Variants in ADGRV1 observed in about 807,000 individuals in gnomAD.
ADGRV1 encodes G-protein coupled receptor 98.
In ADGRV1, 359 loss-of-function variants were observed where a neutral mutation model predicts 596.2. The ratio of observed to expected loss-of-function variants is 0.60; its 90% CI spans 0.55 to 0.66. ADGRV1 has a LOEUF of 0.66. ADGRV1 is among the 30% of genes least tolerant of loss of function. ADGRV1 has a pLI of 0.00. For missense variants in ADGRV1, 7,274 were observed against 7,575.6 expected, an observed-to-expected ratio of 0.96 and a Z score of 1.48; for synonymous variants, 2,681 against 2,679.2, an observed-to-expected ratio of 1.00 and a Z score of -0.02.
At chr5:90,949,135 A>G (rs1416045321) in intron 83 of ADGRV1, among the ~76,000 whole-genome samples, 3 of 152,176 alleles carry the variant, frequency 2.0e-5, no homozygotes, top group African/African-American at 4.8e-5. Context: ...GAAATAGCAC[A>G]TACTACATGG....
intron 83 of ADGRV1, among the ~76,000 whole-genome samples, chr5:90,901,796 T>C (rs1406777132): frequency 2.6e-5 from 4 of 152,278 alleles, no homozygotes; most frequent in South Asian, 4.1e-4. Flanking sequence ...TTTAAAAATA[T>C]GTACTATTCT....
chr5:90,685,843 A>G lies in ADGRV1; in HGVS notation c.6338A>G (p.Asn2113Ser), dbSNP rs201579557. ...ETIAQLIIIA[N>S]DDAFGTLQLS... The stretch of plus-strand genomic sequence containing the variant: ...ATTGCGCAACTAATTATCATTGCCA[A>G]TGATGATGCATTTGGAACTCTTCAG... The change falls in exon 29 of 90, where the codon AAT becomes AGT. Residue 2113 changes from asparagine to serine, a missense_variant. Asn to Ser is a conservative substitution (Grantham distance 46). Around this residue, in one of 5 missense-constraint regions of ADGRV1, gnomAD observed 3,643 missense variants for 3,809.2 expected, o/e 0.96. Coordinates refer to ENST00000405460, the MANE Select transcript of ADGRV1 (RefSeq NM_032119.4). 112 of 1,612,488 alleles carry G rather than the reference A, an allele frequency of 6.9e-5. No individual in the cohort carries two copies. The highest frequency in any genetic ancestry group is 8.7e-5 in the Non-Finnish European group (103 of 1,178,952).
At chr5:90,643,210 A>C (rs1767224562) in intron 13 of ADGRV1, among the ~76,000 whole-genome samples, 169 bp downstream of exon 13, 1 of 152,178 alleles carries the variant, frequency 6.6e-6, no homozygotes. Flanking sequence ...TTAAAAATGA[A>C]GACTCATTCA....
chr5:91,024,601 C>T (rs566063464), intron 85 of ADGRV1, among the ~76,000 whole-genome samples: 17 of 152,094 alleles, frequency 1.1e-4, no homozygotes, highest in Middle Eastern at 3.4e-3. Context: ...TGCCCCTGAT[C>T]GTAGGCATAC....
At chr5:91,157,444 G>T (rs1796566126) in intron 89 of ADGRV1, among the ~76,000 whole-genome samples, 1 of 152,002 alleles carries the variant, frequency 6.6e-6, no homozygotes, top group South Asian at 2.1e-4. Flanking sequence ...TTTTAAATAT[G>T]TGAACAGGCT....
At chr5:91,132,876 G>A (rs1035169098) in intron 87 of ADGRV1, among the ~76,000 whole-genome samples, 3 of 152,214 alleles carry the variant, frequency 2.0e-5, no homozygotes, top group Non-Finnish European at 4.4e-5. Context: ...CAGTGAAGGA[G>A]GGGTAATGAT....
chr5:90,711,002 A>G lies in ADGRV1; in HGVS notation c.8846A>G (p.Gln2949Arg). The part of the protein sequence containing the change: ...PRLDSEGLTA[Q>R]VIIDANDGAR... Reference sequence around the variant, plus strand: ...TAAGATTCAGAAGGTTTGACTGCACAAGTTATTATTGATGCCAATGATGGG... The same window carrying G: ...TAAGATTCAGAAGGTTTGACTGCACGAGTTATTATTGATGCCAATGATGGG... The change falls in exon 40 of 90, where the codon CAA becomes CGA. Residue 2949 changes from glutamine (Q) to arginine (R), a missense_variant. By Grantham distance (43) the Gln-to-Arg change is conservative. Coordinates refer to ENST00000405460, the MANE Select transcript of ADGRV1 (RefSeq NM_032119.4). 6.2e-7 allele frequency: 1 copy of G among 1,609,512 alleles called. No individual in the cohort carries two copies. Among genetic ancestry groups the G allele is most frequent in the Non-Finnish European group, 8.5e-7 (1 of 1,176,930 alleles).
intron 83 of ADGRV1, among the ~76,000 whole-genome samples, chr5:90,883,346 T>G (rs1769975055): frequency 6.6e-6 from 1 of 152,182 alleles, no homozygotes; most frequent in Non-Finnish European, 1.5e-5. Flanking sequence ...GCAGCAAATA[T>G]GTATTGATCC....
At chr5:91,037,302 G>T (rs894329862) in intron 85 of ADGRV1, among the ~76,000 whole-genome samples, 1 of 152,134 alleles carries the variant, frequency 6.6e-6, no homozygotes, top group Non-Finnish European at 1.5e-5. Context: ...GCTGTCTGCT[G>T]TAGAGGAAAG....
At chr5:90,957,955 A>G (rs1378422690) in intron 83 of ADGRV1, among the ~76,000 whole-genome samples, 1 of 151,974 alleles carries the variant, frequency 6.6e-6, no homozygotes, top group Admixed American at 6.6e-5. Flanking sequence ...TAGCTATCCC[A>G]ATAATGCAAG....
At chr5:90,885,481 A>AG (rs1371802065) in intron 83 of ADGRV1, among the ~76,000 whole-genome samples, 2 of 152,188 alleles carry the variant, frequency 1.3e-5, no homozygotes, top group Non-Finnish European at 2.9e-5. Context: ...TTCAAATTAA[A>AG]GTTTGTCTCT....
At chr5:91,078,438 G>A (rs960975913) in intron 86 of ADGRV1, among the ~76,000 whole-genome samples, 7 of 152,134 alleles carry the variant, frequency 4.6e-5, no homozygotes, top group Admixed American at 3.9e-4. Context: ...TTTTATGTAG[G>A]TGCTACTCCT....
intron 87 of ADGRV1, among the ~76,000 whole-genome samples, chr5:91,143,335 C>CTGAA (rs755494983): frequency 2.0e-5 from 3 of 152,208 alleles, no homozygotes; most frequent in Non-Finnish European, 4.4e-5. Context: ...TGTTACAGCT[C>CTGAA]TTTCAGCCCT....
chr5:90,596,297 C>G (rs1760573493), intron 1 of ADGRV1, among the ~76,000 whole-genome samples: 1 of 151,088 alleles, frequency 6.6e-6, no homozygotes, highest in Non-Finnish European at 1.5e-5. Flanking sequence ...ACGCTCCTCA[C>G]TTTCCAGACT....
chr5:91,035,861 T>TTATATATATATA (rs1554202360), intron 85 of ADGRV1, among the ~76,000 whole-genome samples: 4 of 96,398 alleles, frequency 4.1e-5, no homozygotes, highest in African/African-American at 1.5e-4. Flanking sequence ...TATATATATA[T>TTATATATATATA]TATATATATA....
chr5:91,158,849 GTGGATGGATGGA>G (rs35809247), intron 89 of ADGRV1, among the ~76,000 whole-genome samples: 113 of 146,208 alleles, frequency 7.7e-4, no homozygotes, highest in African/African-American at 2.2e-3. Context: ...ACATGGATGG[GTGGATGGATGGA>G]TGGATGGATG....
At chr5:90,642,581 AT>A in intron 11 of ADGRV1, 54 bp from the exon 12 acceptor site, 1 of 1,591,150 alleles carries the variant, frequency 6.3e-7, no homozygotes, top group Admixed American at 1.8e-5. Context: ...AGCCTGCAAA[AT>A]TCAGAAGTAA....
At chr5:90,693,864 C>T (rs1344650454) in intron 32 of ADGRV1, 26 bp from the exon 33 acceptor site, 2 of 1,496,126 alleles carry the variant, frequency 1.3e-6, no homozygotes, top group African/African-American at 1.4e-5. Flanking sequence ...CTTAACCTGT[C>T]TTTTAATTGT....
At chr5:91,154,680 A>G (rs1162642036) in intron 89 of ADGRV1, among the ~76,000 whole-genome samples, 1 of 152,266 alleles carries the variant, frequency 6.6e-6, no homozygotes, top group East Asian at 1.9e-4. Context: ...ATTGACTCAC[A>G]GTACCACATG....
Sources: allele counts gnomAD v4.1 joint callset (sites outside exome capture counted in the v4.1 genomes callset), GRCh38; gene constraint gnomAD v4.1.1; regional missense constraint gnomAD v4.1.1; transcripts MANE v1.5; gene names NCBI Gene and HGNC (gene_info 2026-07-23, HGNC 2026-07-21).